PID1: variants seen among roughly 807,000 people sequenced by gnomAD.
PID1 encodes the protein PTB-containing, cubilin and LRP1-interacting protein.
Under a neutral mutation model 19.1 loss-of-function variants are expected in PID1, and 10 were observed. The observed-to-expected ratio is 0.52, with a 90% CI of 0.32 to 0.89. The LOEUF (loss-of-function observed/expected upper bound fraction) is 0.89. Among genes scored for constraint, PID1 ranks in the 40% least tolerant of loss-of-function variants. The pLI is 0.03. For synonymous variants in PID1, 130 were observed against 116.0 expected, an observed-to-expected ratio of 1.12 and a Z score of -0.78; for missense variants, 248 against 285.3, an observed-to-expected ratio of 0.87 and a Z score of 0.94.
intron 2 of PID1, among the ~76,000 whole-genome samples, chr2:229,118,556 G>A (rs184082604): frequency 3.9e-5 from 6 of 152,274 alleles, no homozygotes; most frequent in African/African-American, 7.2e-5. Context: ...TGCTGATCCC[G>A]TGTCTTGAGA....
At chr2:229,056,575 T>C (rs966450336) in intron 2 of PID1, among the ~76,000 whole-genome samples, 18 of 151,404 alleles carry the variant, frequency 1.2e-4, no homozygotes, top group African/African-American at 4.3e-4. Context: ...AACATATTTC[T>C]CTTTGACTAC....
chr2:229,199,283 T>C (rs1691440725), intron 1 of PID1, among the ~76,000 whole-genome samples: 2 of 152,074 alleles, frequency 1.3e-5, no homozygotes, highest in African/African-American at 4.8e-5. Context: ...TACCCAATAC[T>C]AGTACCAACT....
At chr2:229,205,199 C>T (rs920385454) in intron 1 of PID1, among the ~76,000 whole-genome samples, 3 of 151,988 alleles carry the variant, frequency 2.0e-5, no homozygotes, top group African/African-American at 7.2e-5. Context: ...CCTACACAGA[C>T]ACATGCACAC....
chr2:229,143,742 AGT>A (rs1256534261), intron 2 of PID1, among the ~76,000 whole-genome samples: 1 of 152,104 alleles, frequency 6.6e-6, no homozygotes, highest in Non-Finnish European at 1.5e-5. Context: ...TTCTCGTGAT[AGT>A]GAGTTCTCAC....
At chr2:229,168,558 A>T (rs1690649173) in intron 1 of PID1, among the ~76,000 whole-genome samples, 2 of 151,944 alleles carry the variant, frequency 1.3e-5, no homozygotes, top group South Asian at 4.1e-4. Context: ...CATGGTTTTT[A>T]TCTCTTTGCT....
At chr2:229,240,876 T>G (rs977247087) in intron 1 of PID1, among the ~76,000 whole-genome samples, 3 of 152,154 alleles carry the variant, frequency 2.0e-5, no homozygotes, top group Non-Finnish European at 4.4e-5. Context: ...GTGTCCCATA[T>G]GGGGCTCTGT....
chr2:229,190,023 T>C (rs923969992), intron 1 of PID1, among the ~76,000 whole-genome samples: 1 of 152,212 alleles, frequency 6.6e-6, no homozygotes, highest in Admixed American at 6.5e-5. Flanking sequence ...TACACACTTA[T>C]CTTCCTTTTA....
chr2:229,216,439 G>T (rs984565676), intron 1 of PID1, among the ~76,000 whole-genome samples: 1 of 152,142 alleles, frequency 6.6e-6, no homozygotes, highest in Non-Finnish European at 1.5e-5. Flanking sequence ...AAGCTGCATA[G>T]ATAAGAACTC....
chr2:229,120,389 G>A (rs1175758085), intron 2 of PID1, among the ~76,000 whole-genome samples: 3 of 151,990 alleles, frequency 2.0e-5, no homozygotes, highest in African/African-American at 7.3e-5. Context: ...TCATAAGGAA[G>A]AGAAAATACA....
At chr2:229,029,413 G>A (rs28543033) in intron 2 of PID1, among the ~76,000 whole-genome samples, 42,889 of 150,966 alleles carry the variant, frequency 0.28, 6,352 homozygotes, top group Non-Finnish European at 0.31. Flanking sequence ...TTAGGATGGC[G>A]GCTATCAAAA....
chr2:229,155,719 T>A (rs773779668), intron 2 of PID1, 99 bp downstream of exon 2: 54 of 1,090,700 alleles, frequency 5.0e-5, no homozygotes, highest in Non-Finnish European at 6.7e-5. Flanking sequence ...TATATTTTCA[T>A]TCTTAAAAAT....
intron 2 of PID1, among the ~76,000 whole-genome samples, chr2:229,029,535 C>T (rs115449498): frequency 0.017 from 2,546 of 152,022 alleles, 25 homozygotes; most frequent in African/African-American, 0.031. Context: ...AACAGCGTGG[C>T]GGTTCTCCAA....
intron 2 of PID1, among the ~76,000 whole-genome samples, chr2:229,140,535 C>A (rs370855725): frequency 2.0e-5 from 3 of 152,152 alleles, no homozygotes; most frequent in African/African-American, 4.8e-5. Flanking sequence ...ATTTCCTTCT[C>A]CTGGCATATG....
At chr2:229,234,628 A>G (rs1254139814) in intron 1 of PID1, among the ~76,000 whole-genome samples, 1 of 152,220 alleles carries the variant, frequency 6.6e-6, no homozygotes, top group African/African-American at 2.4e-5. Context: ...AATGTGTGAT[A>G]ATTTATTAGA....
chr2:229,242,484 C>A (rs955957135), intron 1 of PID1, among the ~76,000 whole-genome samples: 2 of 152,096 alleles, frequency 1.3e-5, no homozygotes, highest in East Asian at 3.9e-4. Context: ...GCCTCATGCT[C>A]CACTCAGCTG....
At chr2:229,207,991 T>C (rs1691645361) in intron 1 of PID1, among the ~76,000 whole-genome samples, 1 of 152,190 alleles carries the variant, frequency 6.6e-6, no homozygotes, top group Admixed American at 6.5e-5. Context: ...GAATTTATCC[T>C]CCATTTTACA....
Position 229,051,809 on chromosome 2 carries a change from G to C in PID1, c.178-25701C>G, listed in dbSNP as rs17675832. Among the ~76,000 whole-genome samples, 142 of 152,284 alleles carry C rather than the reference G, an allele frequency of 9.3e-4. No individual in the cohort carries two copies. The East Asian group carries it at 0.024, about 26-fold the overall frequency. On this transcript the variant is annotated intron_variant, in intron 2 of 2. Coordinates refer to ENST00000392055, the MANE Select transcript of PID1 (RefSeq NM_001100818.2). Reference sequence around the variant, plus strand: ...GTGCCCCAGCTTGTCAGTCCAACTTGGATTCTTTTTCAGCTCCCAATTCTC... The same window carrying C: ...GTGCCCCAGCTTGTCAGTCCAACTTCGATTCTTTTTCAGCTCCCAATTCTC...
At chr2:229,259,246 A>C (rs1479184569) in intron 1 of PID1, among the ~76,000 whole-genome samples, 3 of 152,062 alleles carry the variant, frequency 2.0e-5, no homozygotes, top group African/African-American at 7.2e-5. Context: ...TTGACAGTTT[A>C]TTTATCCTAG....
At chr2:229,245,796 T>A (rs1442440931) in intron 1 of PID1, among the ~76,000 whole-genome samples, 1 of 152,162 alleles carries the variant, frequency 6.6e-6, no homozygotes, top group African/African-American at 2.4e-5. Context: ...CCCAAAGTTA[T>A]AAAGACAGTA....
Sources: gnomAD v4.1 joint callset for allele counts (sites outside exome capture counted in the v4.1 genomes callset) on GRCh38, gnomAD v4.1.1 for gene constraint, MANE v1.5 for transcripts, NCBI Gene and HGNC (gene_info 2026-07-23, HGNC 2026-07-21) for gene names.